ARHGEF12: variants seen among roughly 807,000 people sequenced by gnomAD.
The protein encoded by ARHGEF12 is Rho guanine nucleotide exchange factor 12.
A neutral mutation model predicts 211.2 loss-of-function variants in ARHGEF12; 66 were observed. The ratio of observed to expected loss-of-function variants is 0.31; its 90% CI spans 0.26 to 0.38. The LOEUF (loss-of-function observed/expected upper bound fraction) is 0.38, where lower values mean the gene tolerates loss of function less well. Among genes scored for constraint, ARHGEF12 ranks in the 10% least tolerant of loss-of-function variants. The pLI, the probability that ARHGEF12 is intolerant of heterozygous loss-of-function variation, is 1.00. For missense variants in ARHGEF12, 1,429 were observed against 1,869.5 expected, an observed-to-expected ratio of 0.76 and a Z score of 4.34; for synonymous variants, 592 against 638.4, an observed-to-expected ratio of 0.93 and a Z score of 1.09.
rs549474137 is a variant in ARHGEF12 at position 120,473,590 on chromosome 11, A to G, written c.3033+463A>G. 3.3e-5 allele frequency among the ~76,000 whole-genome samples: 5 copies of G among 152,268 alleles called. No individual in the cohort carries two copies. The South Asian group carries it at 1.0e-3, about 32-fold the overall frequency. On this transcript the variant is annotated intron_variant, in intron 31 of 40. Transcript: ENST00000397843. The stretch of plus-strand genomic sequence containing the variant: ...GCTAATTCTGTGTTTTGTAAAGACA[A>G]GGTCTCGCTGTGTTGTCAGGTTGGT...
chr11:120,336,847 C>T lies in ARHGEF12; in HGVS notation c.-397C>T. On this transcript the variant is annotated 5_prime_UTR_variant, in exon 1 of 41. Transcript: ENST00000397843. ...CCTTGCCGCGGCGGGGAGTTCGAGG[C>T]CCCGAGACTCCGGAGGAGGAGCCGA... 2.7e-6 allele frequency: 1 copy of T among 364,422 alleles called. No homozygotes were observed. The highest frequency in any genetic ancestry group is 4.9e-6 in the Non-Finnish European group (1 of 204,608). 22.6% of individuals were successfully genotyped at this position (364,422 alleles called of 1,614,324 possible).
At chr11:120,348,617 G>A (rs1334444516) in intron 1 of ARHGEF12, among the ~76,000 whole-genome samples, 2 of 152,162 alleles carry the variant, frequency 1.3e-5, no homozygotes, top group African/African-American at 2.4e-5. Flanking sequence ...CGAGGCAGGC[G>A]GATCACCTGA....
Position 120,457,138 on chromosome 11 carries a change from A to G in ARHGEF12, c.2077A>G (p.Thr693Ala). 2 of 1,613,892 alleles carry G rather than the reference A, an allele frequency of 1.2e-6. No homozygotes were observed. The highest frequency in any genetic ancestry group is 1.1e-5 in the South Asian group (1 of 91,036). Reference sequence around the variant, plus strand: ...TACAGGATCAAAGCAAGTTGGAGAAACATCAGCACCTGGAGACACCTTAGA... The same window carrying G: ...TACAGGATCAAAGCAAGTTGGAGAAGCATCAGCACCTGGAGACACCTTAGA... ...NDTGSKQVGE[T>A]SAPGDTLDGT... The change falls in exon 23 of 41, where the codon ACA becomes GCA. Residue 693 changes from threonine (T) to alanine (A), a missense_variant. By Grantham distance (58) the Thr-to-Ala change is moderately conservative. Coordinates refer to ENST00000397843, the MANE Select transcript of ARHGEF12 (RefSeq NM_015313.3).
intron 15 of ARHGEF12, among the ~76,000 whole-genome samples, chr11:120,444,690 A>AT (rs1236668727): frequency 6.6e-6 from 1 of 152,186 alleles, no homozygotes; most frequent in East Asian, 1.9e-4. Context: ...AGGTTAAGAT[A>AT]TTTTCTCTTA....
intron 24 of ARHGEF12, 160 bp downstream of exon 24, chr11:120,457,916 AT>A (rs1209532168): frequency 8.9e-7 from 1 of 1,122,026 alleles, no homozygotes; most frequent in African/African-American, 1.6e-5. Context: ...CAAAAGCTGT[AT>A]TTTGAAGTAT....
rs561829628 is a variant in ARHGEF12, at chr11:120,442,427, T to C, written c.1302+225T>C. Among the ~76,000 whole-genome samples the C allele has an allele frequency of 7.2e-3, 1,033 of 144,006 alleles. 5 individuals carry two copies. Among genetic ancestry groups the C allele is most frequent in the East Asian group, 0.011 (54 of 4,874 alleles). 94.5% of individuals were successfully genotyped at this position (144,006 alleles called of 152,430 possible). A position where few individuals can be genotyped will look rare whatever the true frequency, so the allele number is the denominator to read the frequency against. On this transcript the variant is annotated intron_variant, in intron 15 of 40. Transcript: ENST00000397843. ...TTTTAGGGGATTATATATATATATA[T>C]ACACACACACACACACACACACACA... is the stretch of plus-strand genomic sequence containing the variant.
intron 15 of ARHGEF12, 104 bp downstream of exon 15, chr11:120,442,306 C>T: frequency 2.7e-6 from 2 of 734,446 alleles, no homozygotes; most frequent in Non-Finnish European, 2.1e-6. Context: ...ACTGTGCTTT[C>T]TCACACCTGT....
In ARHGEF12 at chr11:120,485,748, G is replaced by A. The variant is rs1345320298; in HGVS notation, c.*671G>A. ...TGCCCAGGTGGTGTGGTCAGAGAGTGGATGGGCTTCCTCCCGCCCTGAGGC... is the reference window on the plus strand; with the variant it reads ...TGCCCAGGTGGTGTGGTCAGAGAGTAGATGGGCTTCCTCCCGCCCTGAGGC... On this transcript the variant is annotated 3_prime_UTR_variant, in exon 41 of 41. Transcript: ENST00000397843. The A allele has an allele frequency of 8.6e-6, 2 of 233,528 alleles. No individual in the cohort carries two copies. The highest frequency in any genetic ancestry group is 1.1e-4 in the Admixed American group (2 of 17,782). 14.5% of individuals were successfully genotyped at this position (233,528 alleles called of 1,614,324 possible).
chr11:120,445,880 T>C (rs7948299), intron 16 of ARHGEF12, among the ~76,000 whole-genome samples: 33,316 of 146,088 alleles, frequency 0.23, 3,818 homozygotes, highest in Middle Eastern at 0.27. Context: ...GCCTGGGTGA[T>C]AAGAGCAAAA....
At chr11:120,458,476 A>G (rs908337054) in intron 25 of ARHGEF12, 2 of 400,396 alleles carry the variant, frequency 5.0e-6, no homozygotes, top group East Asian at 5.3e-5. Context: ...TCATAGCATT[A>G]TAGATCTTAA....
intron 1 of ARHGEF12, among the ~76,000 whole-genome samples, chr11:120,382,222 G>T (rs1018232506): frequency 6.6e-6 from 1 of 152,168 alleles, no homozygotes; most frequent in African/African-American, 2.4e-5. Context: ...ATTGTAGGTC[G>T]TATGGTAACT....
chr11:120,424,522 C>CTA, intron 7 of ARHGEF12, 107 bp downstream of exon 7: 1 of 807,208 alleles, frequency 1.2e-6, no homozygotes, highest in Non-Finnish European at 2.0e-6. Context: ...GCTATGTGGA[C>CTA]TATATAGTCT....
At chr11:120,482,149 T>C (rs1246617881) in intron 39 of ARHGEF12, among the ~76,000 whole-genome samples, 5 of 152,226 alleles carry the variant, frequency 3.3e-5, no homozygotes, top group Non-Finnish European at 7.3e-5. Context: ...TTTAAGAACC[T>C]GAAATGCTTC....
intron 28 of ARHGEF12, among the ~76,000 whole-genome samples, chr11:120,466,544 C>G (rs1226960906): frequency 6.6e-6 from 1 of 152,184 alleles, no homozygotes; most frequent in East Asian, 1.9e-4. Flanking sequence ...ATTGTAATCA[C>G]AGATTCCAAA....
chr11:120,382,438 C>T (rs138473673), intron 1 of ARHGEF12, among the ~76,000 whole-genome samples: 199 of 152,328 alleles, frequency 1.3e-3, no homozygotes, highest in African/African-American at 4.4e-3. Context: ...TGCAGATGGA[C>T]ATTTAGATAG....
In ARHGEF12 at chr11:120,488,440, T is replaced by C. The variant is rs1191473845; in HGVS notation, c.*3363T>C. 2 of 216,404 alleles carry C rather than the reference T, an allele frequency of 9.2e-6. No individual in the cohort carries two copies. The allele number at this position is 216,404 out of a possible 1,614,324, so 13.4% of individuals were successfully genotyped here. On this transcript the variant is annotated 3_prime_UTR_variant, in exon 41 of 41. Transcript: ENST00000397843. ...TTTCCCCCTTATATTACAATTTTTG[T>C]TTTATAAGTCATTTTTTTCCTGATA...
At chr11:120,356,517 C>T (rs578019239) in intron 1 of ARHGEF12, among the ~76,000 whole-genome samples, 8 of 152,182 alleles carry the variant, frequency 5.3e-5, no homozygotes, top group East Asian at 1.9e-4. Context: ...CTGCGCCCAG[C>T]CTCCCCTTAT....
chr11:120,433,497 G>A (rs189462551), intron 11 of ARHGEF12, among the ~76,000 whole-genome samples: 3 of 152,298 alleles, frequency 2.0e-5, no homozygotes, highest in African/African-American at 7.2e-5. Flanking sequence ...GAGATGGGAA[G>A]TTCCTTGAGA....
chr11:120,358,394 G>A (rs1486770647), intron 1 of ARHGEF12, among the ~76,000 whole-genome samples: 1 of 152,082 alleles, frequency 6.6e-6, no homozygotes, highest in African/African-American at 2.4e-5. Flanking sequence ...GCAAGATAGG[G>A]AATGTAAAAG....
Sources: gnomAD v4.1 joint callset for allele counts (sites outside exome capture counted in the v4.1 genomes callset) on GRCh38, gnomAD v4.1.1 for gene constraint, MANE v1.5 for transcripts, NCBI Gene and HGNC (gene_info 2026-07-23, HGNC 2026-07-21) for gene names.